The following DNAJC1 variants were observed in gnomAD, a reference collection of about 807,000 sequenced individuals.
The protein encoded by DNAJC1 is dnaJ homolog subfamily C member 1.
Under a neutral mutation model 76.6 loss-of-function variants are expected in DNAJC1, and 58 were observed. The observed-to-expected ratio is 0.76, with a 90% confidence interval of 0.61 to 0.94. The LOEUF (loss-of-function observed/expected upper bound fraction) is 0.94, where lower values mean the gene tolerates loss of function less well. Ranked by LOEUF, DNAJC1 falls within the 40% of genes least tolerant of loss-of-function variation. DNAJC1 has a pLI of 0.00. For synonymous variants in DNAJC1, 258 were observed against 267.9 expected (o/e 0.96, Z 0.36); for missense variants, 689 against 677.3 (o/e 1.02, Z -0.19).
At chr10:21,770,424 G>A (rs1466949671) in intron 9 of DNAJC1, among the ~76,000 whole-genome samples, 2 of 129,376 alleles carry the variant, frequency 1.5e-5, no homozygotes. Context: ...TTGAGATGGA[G>A]TCTAGCTCTG....
chr10:21,975,783 GCTGCTCTCAT>G (rs1362743414), intron 1 of DNAJC1, among the ~76,000 whole-genome samples: 30 of 152,252 alleles, frequency 2.0e-4, no homozygotes, highest in African/African-American at 6.3e-4. Context: ...TACCTTCTTT[GCTGCTCTCAT>G]CTGGTTTTAA....
At chr10:21,906,881 T>A (rs569473998) in intron 6 of DNAJC1, among the ~76,000 whole-genome samples, 2 of 152,354 alleles carry the variant, frequency 1.3e-5, no homozygotes, top group South Asian at 4.1e-4. Flanking sequence ...ATGTTAGCTA[T>A]TTTTATTATT....
At chr10:21,833,512 T>G (rs1835396261) in intron 8 of DNAJC1, among the ~76,000 whole-genome samples, 1 of 152,072 alleles carries the variant, frequency 6.6e-6, no homozygotes, top group African/African-American at 2.4e-5. Flanking sequence ...AAAGCATGAA[T>G]TCTGAAACCA....
intron 9 of DNAJC1, among the ~76,000 whole-genome samples, chr10:21,771,292 C>G (rs1834374449): frequency 6.6e-6 from 1 of 152,122 alleles, no homozygotes; most frequent in Non-Finnish European, 1.5e-5. Context: ...TGCCTAAATG[C>G]CCTGGCTAAG....
chr10:21,810,690 A>G (rs1834950349), intron 8 of DNAJC1, among the ~76,000 whole-genome samples: 2 of 152,068 alleles, frequency 1.3e-5, no homozygotes, highest in Admixed American at 6.6e-5. Context: ...ACTATACAAG[A>G]CCTATTTAGA....
chr10:21,981,319 A>G (rs1399280127), intron 1 of DNAJC1, among the ~76,000 whole-genome samples: 1 of 152,178 alleles, frequency 6.6e-6, no homozygotes. Flanking sequence ...TCATTTACTC[A>G]CTTGGCATGT....
intron 1 of DNAJC1, among the ~76,000 whole-genome samples, chr10:21,963,637 T>C (rs1161721319): frequency 6.6e-6 from 1 of 152,214 alleles, no homozygotes; most frequent in African/African-American, 2.4e-5. Flanking sequence ...TCCAACCATA[T>C]TAATTTATTT....
intron 1 of DNAJC1, among the ~76,000 whole-genome samples, chr10:21,999,763 T>TA (rs951470937): frequency 1.3e-5 from 2 of 152,192 alleles, no homozygotes; most frequent in Non-Finnish European, 2.9e-5. Flanking sequence ...CCTTGACTCT[T>TA]AAAGTCTGGA....
chr10:21,956,937 C>T (rs1283251886), intron 1 of DNAJC1, among the ~76,000 whole-genome samples: 1 of 149,910 alleles, frequency 6.7e-6, no homozygotes, highest in African/African-American at 2.5e-5. Flanking sequence ...TGCTCTGTCG[C>T]CCAGGCTACA....
chr10:21,768,262 A>G (rs533939343), intron 9 of DNAJC1, among the ~76,000 whole-genome samples: 2 of 152,180 alleles, frequency 1.3e-5, no homozygotes, highest in South Asian at 2.1e-4. Flanking sequence ...ATATTTTTCT[A>G]TATTTCTCTA....
intron 1 of DNAJC1, among the ~76,000 whole-genome samples, chr10:21,980,177 G>A (rs2131836654): frequency 6.6e-6 from 1 of 152,110 alleles, no homozygotes; most frequent in East Asian, 1.9e-4. Flanking sequence ...ACAAAATCCA[G>A]ATATTGAACA....
At chr10:21,938,848 G>A (rs1263442206) in intron 1 of DNAJC1, among the ~76,000 whole-genome samples, 2 of 152,120 alleles carry the variant, frequency 1.3e-5, no homozygotes. Context: ...TCTTATCCAG[G>A]ATCTGACCAA....
chr10:21,828,718 T>C (rs1361858112), intron 8 of DNAJC1, among the ~76,000 whole-genome samples: 1 of 152,240 alleles, frequency 6.6e-6, no homozygotes, highest in Non-Finnish European at 1.5e-5. Context: ...ATCTAAAACA[T>C]TAGAAAATAA....
At chr10:21,878,741 C>G (rs1170528207) in intron 8 of DNAJC1, among the ~76,000 whole-genome samples, 1 of 151,894 alleles carries the variant, frequency 6.6e-6, no homozygotes. Context: ...GCAGTTTAAA[C>G]CCATATTTTT....
At chr10:21,939,886 C>T (rs1354336482) in intron 1 of DNAJC1, among the ~76,000 whole-genome samples, 4 of 149,234 alleles carry the variant, frequency 2.7e-5, no homozygotes, top group African/African-American at 9.9e-5. Context: ...TTACTCTGAC[C>T]TTCACATGTA....
intron 8 of DNAJC1, among the ~76,000 whole-genome samples, chr10:21,831,930 C>T (rs569284085): frequency 5.3e-5 from 8 of 152,098 alleles, no homozygotes; most frequent in South Asian, 2.1e-4. Context: ...ACATAATATC[C>T]GCTTTAGGTA....
chr10:21,949,146 G>A (rs1413287715), intron 1 of DNAJC1, among the ~76,000 whole-genome samples: 4 of 152,090 alleles, frequency 2.6e-5, no homozygotes, highest in East Asian at 1.9e-4. Flanking sequence ...TTCCAGGAAA[G>A]GAAATGAAAT....
intron 9 of DNAJC1, among the ~76,000 whole-genome samples, chr10:21,783,824 G>A (rs1834567630): frequency 6.6e-6 from 1 of 152,250 alleles, no homozygotes; most frequent in East Asian, 1.9e-4. Context: ...TTTAATAAAT[G>A]GTGCTGGGAA....
At chr10:21,903,362 T>A (rs1445636834) in intron 7 of DNAJC1, among the ~76,000 whole-genome samples, 1 of 152,252 alleles carries the variant, frequency 6.6e-6, no homozygotes, top group African/African-American at 2.4e-5. Flanking sequence ...ACTCCTACTT[T>A]TTAACACATA....
Sources: allele counts gnomAD v4.1 joint callset (sites outside exome capture counted in the v4.1 genomes callset), GRCh38; gene constraint gnomAD v4.1.1; transcripts MANE v1.5; gene names NCBI Gene and HGNC (gene_info 2026-07-23, HGNC 2026-07-21).